RFX2: variants seen among roughly 807,000 people sequenced by gnomAD.
The protein encoded by RFX2 is DNA-binding protein RFX2.
Under a neutral mutation model 87.8 loss-of-function variants are expected in RFX2, and 20 were observed. The ratio of observed to expected loss-of-function variants is 0.23; its 90% CI spans 0.16 to 0.33. The LOEUF (loss-of-function observed/expected upper bound fraction) is 0.33, where lower values mean the gene tolerates loss of function less well. RFX2 is among the 10% of genes least tolerant of loss of function. The probability of loss-of-function intolerance (pLI) is 1.00; values close to 1 mark genes in which losing one functional copy is unlikely to be tolerated. For missense variants in RFX2, 767 were observed against 1,012.3 expected (o/e 0.76, Z 3.29); for synonymous variants, 397 against 431.3 (o/e 0.92, Z 0.98).
Position 5,994,785 on chromosome 19 carries a change from G to C in RFX2, c.*50C>G. The C allele has an allele frequency of 8.1e-7, 1 of 1,235,518 alleles. No individual in the cohort carries two copies. 76.5% of individuals were successfully genotyped at this position (1,235,518 alleles called of 1,614,324 possible). A position where few individuals can be genotyped will look rare whatever the true frequency, so the allele number is the denominator to read the frequency against. The stretch of plus-strand genomic sequence containing the variant: ...AGCCGGTGAAATCCAGGTTCCCAGA[G>C]TGACCAGGCGGCATCTTTTGGAACC... On this transcript the variant is annotated 3_prime_UTR_variant, in exon 18 of 18. Coordinates refer to ENST00000303657, the MANE Select transcript of RFX2 (RefSeq NM_000635.4).
At chr19:5,996,824 GC>G (rs1294576979) in intron 16 of RFX2, among the ~76,000 whole-genome samples, 1 of 152,284 alleles carries the variant, frequency 6.6e-6, no homozygotes, top group Non-Finnish European at 1.5e-5. Context: ...CTTGGACAGA[GC>G]CCCAAATCCT....
chr19:6,054,199 G>A (rs2087301206), intron 1 of RFX2, among the ~76,000 whole-genome samples: 1 of 151,764 alleles, frequency 6.6e-6, no homozygotes, highest in Non-Finnish European at 1.5e-5. Flanking sequence ...AACTGACACA[G>A]ATGAAATAAA....
intron 1 of RFX2, among the ~76,000 whole-genome samples, chr19:6,076,093 A>G (rs1052218759): frequency 2.6e-5 from 4 of 152,072 alleles, no homozygotes; most frequent in Non-Finnish European, 5.9e-5. Context: ...ATCCCAGCAC[A>G]TTTTGGGAGG....
Position 6,010,318 on chromosome 19 carries a change from G to T in RFX2, c.900-67C>A. The T allele has an allele frequency of 4.7e-6, 5 of 1,064,384 alleles. No individual in the cohort carries two copies. Among genetic ancestry groups the T allele is most frequent in the Non-Finnish European group, 5.6e-6 (4 of 715,112 alleles). The allele number at this position is 1,064,384 out of a possible 1,614,324, so 65.9% of individuals were successfully genotyped here. On this transcript the variant is annotated intron_variant, in intron 8 of 17. Coordinates refer to ENST00000303657, the MANE Select transcript of RFX2 (RefSeq NM_000635.4). This position sits in a 1 kb window ranked among gnomAD's most constrained non-coding sequence, Gnocchi z 5.0. ...CTGCTGCGGGTGGGCCCAAAGACTG[G>T]GGGGCTGGGCAGGATTCAGTCAGGC...
intron 1 of RFX2, among the ~76,000 whole-genome samples, chr19:6,085,071 G>A (rs768597708): frequency 5.3e-5 from 8 of 152,172 alleles, no homozygotes; most frequent in Non-Finnish European, 1.0e-4. Flanking sequence ...TGTATAGATG[G>A]ATCACATTTT....
In RFX2 at chr19:6,010,127, G is replaced by T; in HGVS notation, c.1015+9C>A. On this transcript the variant is annotated intron_variant, in intron 9 of 17. Coordinates refer to ENST00000303657, the MANE Select transcript of RFX2 (RefSeq NM_000635.4). The surrounding 1 kb of genome is among the most constrained non-coding windows in gnomAD (Gnocchi z 5.0). Reference sequence around the variant, plus strand: ...GAGCCCCGCCCCCGGGCCTGACCGGGCCTCTCACCTATGTACTGCTGGTGG... The same window carrying T: ...GAGCCCCGCCCCCGGGCCTGACCGGTCCTCTCACCTATGTACTGCTGGTGG... 1.3e-6 allele frequency: 2 copies of T among 1,522,904 alleles called. No individual in the cohort carries two copies. The highest frequency in any genetic ancestry group is 1.8e-6 in the Non-Finnish European group (2 of 1,124,444). 94.3% of individuals were successfully genotyped at this position (1,522,904 alleles called of 1,614,324 possible). A position where few individuals can be genotyped will look rare whatever the true frequency, so the allele number is the denominator to read the frequency against.
intron 5 of RFX2, among the ~76,000 whole-genome samples, chr19:6,034,644 GAGCCACT>G (rs2086996694): frequency 6.6e-6 from 1 of 152,182 alleles, no homozygotes; most frequent in Admixed American, 6.5e-5. Context: ...TTACAGGCAT[GAGCCACT>G]GTGCCCAGGT....
Position 6,017,225 on chromosome 19 carries a change from C to G in RFX2, c.598-954G>C, listed in dbSNP as rs1383645512. ...CAGCCTGGGCGACAGGGCAAGACTT[C>G]GTCTCTTTCAAAAAACGAAACAAAA... is the stretch of plus-strand genomic sequence containing the variant. On this transcript the variant is annotated intron_variant, in intron 6 of 17. Coordinates refer to ENST00000303657, the MANE Select transcript of RFX2 (RefSeq NM_000635.4). The surrounding 1 kb of genome is among the most constrained non-coding windows in gnomAD (Gnocchi z 4.1). 6.6e-6 allele frequency among the ~76,000 whole-genome samples: 1 copy of G among 152,158 alleles called. No homozygotes were observed. The highest frequency in any genetic ancestry group is 6.5e-5 in the Admixed American group (1 of 15,282).
At chr19:6,018,215 C>T (rs2086757106) in intron 6 of RFX2, among the ~76,000 whole-genome samples, 2 of 152,200 alleles carry the variant, frequency 1.3e-5, no homozygotes, top group African/African-American at 4.8e-5. Flanking sequence ...GGTGATCCAC[C>T]CGCCTTGGCC....
At position 6,057,795 on chromosome 19, in the gene RFX2, G is replaced by A. The variant is rs148440569; in HGVS notation, c.-8-10291C>T. ...CCAGTTGCTTCAAAGCCCAGATTCT[G>A]TCCTGGTAGCTTGTCTTAACACTCC... On this transcript the variant is annotated intron_variant, in intron 1 of 17. Coordinates refer to ENST00000303657, the MANE Select transcript of RFX2 (RefSeq NM_000635.4). Among the ~76,000 whole-genome samples the A allele has an allele frequency of 7.2e-5, 11 of 152,302 alleles. No individual in the cohort carries two copies. The East Asian group carries it at 1.7e-3, about 24-fold the overall frequency.
At chr19:6,042,161 CCCTCGTG>C in intron 3 of RFX2, 38 bp from the exon 4 acceptor site, 1 of 1,577,932 alleles carries the variant, frequency 6.3e-7, no homozygotes, top group Non-Finnish European at 8.7e-7. Context: ...GCCAGTCACG[CCCTCGTG>C]AGTTGCCTGC....
chr19:6,059,918 C>T (rs1253708391), intron 1 of RFX2, among the ~76,000 whole-genome samples: 1 of 152,072 alleles, frequency 6.6e-6, no homozygotes, highest in Non-Finnish European at 1.5e-5. Flanking sequence ...AATGTTGACT[C>T]CTCCCACTAG....
chr19:6,073,049 A>ATT, intron 1 of RFX2: 1 of 474,814 alleles, frequency 2.1e-6, no homozygotes, highest in Non-Finnish European at 3.8e-6. Flanking sequence ...GTGCGATCTC[A>ATT]GCTCACTGCA....
At chr19:6,082,419 A>G (rs902334023) in intron 1 of RFX2, among the ~76,000 whole-genome samples, 4 of 151,786 alleles carry the variant, frequency 2.6e-5, no homozygotes, top group Admixed American at 6.6e-5. Flanking sequence ...ATTGATGTCT[A>G]TCAGGGGTTG....
intron 1 of RFX2, among the ~76,000 whole-genome samples, chr19:6,075,250 G>A (rs941042737): frequency 6.6e-6 from 1 of 152,088 alleles, no homozygotes; most frequent in Admixed American, 6.5e-5. Flanking sequence ...GGAGGAAGAG[G>A]AGAAAGAAGA....
chr19:6,076,335 C>T (rs1366630709), intron 1 of RFX2, among the ~76,000 whole-genome samples: 1 of 152,144 alleles, frequency 6.6e-6, no homozygotes, highest in African/African-American at 2.4e-5. Flanking sequence ...CAGAGAGAGA[C>T]TCTGTCTCAA....
At chr19:6,077,673 T>C (rs2087711445) in intron 1 of RFX2, among the ~76,000 whole-genome samples, 1 of 152,108 alleles carries the variant, frequency 6.6e-6, no homozygotes, top group Non-Finnish European at 1.5e-5. Context: ...CAAATGTTTG[T>C]CAACTGATGG....
chr19:6,066,543 G>C (rs1280004797), intron 1 of RFX2, among the ~76,000 whole-genome samples: 2 of 152,166 alleles, frequency 1.3e-5, no homozygotes, highest in Non-Finnish European at 2.9e-5. Context: ...ACTAAAATAA[G>C]TCTCCAGTTG....
At position 6,017,560 on chromosome 19, in the gene RFX2, G is replaced by A. The variant is rs983175732; in HGVS notation, c.598-1289C>T. On this transcript the variant is annotated intron_variant, in intron 6 of 17. Transcript: ENST00000303657. The surrounding 1 kb of genome is among the most constrained non-coding windows in gnomAD (Gnocchi z 4.1). ...AGACAGGAATTCCACGCACAGAAGC[G>A]AGGCCCGAGTCCAGATCCCATGTCA... Among the ~76,000 whole-genome samples, 5 of 152,238 alleles carry A rather than the reference G, an allele frequency of 3.3e-5. No homozygotes were observed. Among genetic ancestry groups the A allele is most frequent in the Admixed American group, 2.6e-4 (4 of 15,288 alleles).
Sources: gnomAD v4.1 joint callset for allele counts (sites outside exome capture counted in the v4.1 genomes callset) on GRCh38, gnomAD v4.1.1 for gene constraint, Gnocchi (gnomAD v3.1) non-coding constraint, MANE v1.5 for transcripts, NCBI Gene and HGNC (gene_info 2026-07-23, HGNC 2026-07-21) for gene names.